Variants in MICU3 observed in about 807,000 individuals in gnomAD.
The protein encoded by MICU3 is calcium uptake protein 3, mitochondrial.
MICU3 carries 62 observed loss-of-function variants against 66.5 expected under a neutral mutation model. That is an observed-to-expected ratio of 0.93 (90% CI 0.76 to 1.15). MICU3 has a LOEUF of 1.15. MICU3 is among the 50% of genes most tolerant of loss of function. The pLI is 0.00. For missense variants in MICU3, 779 were observed against 664.4 expected, an observed-to-expected ratio of 1.17 and a Z score of -1.90; for synonymous variants, 308 against 240.7, an observed-to-expected ratio of 1.28 and a Z score of -2.59.
At position 17,087,085 on chromosome 8, in the gene MICU3, T is replaced by C. The variant is rs377656354; in HGVS notation, c.849+50T>C. On this transcript the variant is annotated intron_variant, in intron 7 of 14. Transcript: ENST00000318063. ...AGGTGGCTTTTGTAGGCAACAATTA[T>C]TTTATTCATGTTAAGAAACAATAAT... The C allele has an allele frequency of 8.0e-5, 92 of 1,150,002 alleles. No homozygotes were observed. In the African/African-American group the frequency reaches 1.3e-3, roughly 16 times the overall value. The allele number at this position is 1,150,002 out of a possible 1,614,324, so 71.2% of individuals were successfully genotyped here. A position where few individuals can be genotyped will look rare whatever the true frequency, so the allele number is the denominator to read the frequency against.
chr8:17,094,882 T>G (rs1800504092), intron 8 of MICU3, among the ~76,000 whole-genome samples: 1 of 152,032 alleles, frequency 6.6e-6, no homozygotes. Context: ...CATTCTTCTA[T>G]GCCTCTTAAT....
At chr8:17,135,522 A>G in the MICU3 span, among the ~76,000 whole-genome samples, 10 of 152,172 alleles carry the variant, frequency 6.6e-5, no homozygotes, top group African/African-American at 1.7e-4. Context: ...AAGTTTTTCA[A>G]TTGATTCTCT....
At position 17,028,283 on chromosome 8, in the gene MICU3, G is replaced by A. The variant is rs143475376; in HGVS notation, c.381+623G>A. Among the ~76,000 whole-genome samples, 402 of 152,294 alleles carry A rather than the reference G, an allele frequency of 2.6e-3. 1 individual carries two copies. The highest frequency in any genetic ancestry group is 9.1e-3 in the African/African-American group (379 of 41,566). ...CCCCACTAAAGCCAGAATCCCGTTA[G>A]TAGGTAACGATAAAACACAAAATGG... On this transcript the variant is annotated intron_variant, in intron 1 of 14. Coordinates refer to ENST00000318063, the MANE Select transcript of MICU3 (RefSeq NM_181723.3).
rs1803129394 is a variant in MICU3 at position 17,120,605 on chromosome 8, A to ATT, written c.*324_*325dup. Reference sequence around the variant, plus strand: ...TACATATGAATGTACTTTCAATATTATTTTTTTATTTATTCATTAGAAATT... The same window carrying ATT: ...TACATATGAATGTACTTTCAATATTATTTTTTTTTATTTATTCATTAGAAATT... On this transcript the variant is annotated 3_prime_UTR_variant, in exon 15 of 15. Transcript: ENST00000318063. The ATT allele has an allele frequency of 6.6e-6, 1 of 152,388 alleles. No individual in the cohort carries two copies. Among genetic ancestry groups the ATT allele is most frequent in the African/African-American group, 2.4e-5 (1 of 41,416 alleles). The allele number at this position is 152,388 out of a possible 1,614,324, so 9.4% of individuals were successfully genotyped here.
At chr8:17,097,798 A>C (rs1468790936) in intron 8 of MICU3, among the ~76,000 whole-genome samples, 2 of 151,034 alleles carry the variant, frequency 1.3e-5, no homozygotes, top group Non-Finnish European at 3.0e-5. Flanking sequence ...TACACTTTTT[A>C]ATCTACACTT....
At position 17,043,536 on chromosome 8, in the gene MICU3, G is replaced by A. The variant is rs76540445; in HGVS notation, c.381+15876G>A. 1.5e-3 allele frequency among the ~76,000 whole-genome samples: 228 copies of A among 152,274 alleles called. 4 individuals carry two copies. The East Asian group carries it at 0.039, about 26-fold the overall frequency. On this transcript the variant is annotated intron_variant, in intron 1 of 14. Transcript: ENST00000318063. ...GGCAGGTTTTGGACTAGGGCTTGTGGTGAATGGAGATCAGTGTGACTTAAA... is the reference window on the plus strand; with the variant it reads ...GGCAGGTTTTGGACTAGGGCTTGTGATGAATGGAGATCAGTGTGACTTAAA...
intron 3 of MICU3, among the ~76,000 whole-genome samples, chr8:17,072,110 C>A (rs1389689057): frequency 1.3e-5 from 2 of 151,878 alleles, no homozygotes; most frequent in African/African-American, 2.4e-5. Flanking sequence ...GAAAAAAAAC[C>A]ATTGAGATGA....
At chr8:17,130,239 T>C in the MICU3 span, among the ~76,000 whole-genome samples, 1 of 152,154 alleles carries the variant, frequency 6.6e-6, no homozygotes, top group African/African-American at 2.4e-5. Context: ...AAAAAGGCAA[T>C]TGAGACTAGG....
downstream of MICU3, among the ~76,000 whole-genome samples, chr8:17,123,726 G>A (rs1803327634): frequency 6.6e-6 from 1 of 151,874 alleles, no homozygotes; most frequent in South Asian, 2.1e-4. Flanking sequence ...TTTATTCAAT[G>A]AAATACTATA....
chr8:17,037,932 T>G (rs1813327818), intron 1 of MICU3, among the ~76,000 whole-genome samples: 1 of 152,216 alleles, frequency 6.6e-6, no homozygotes, highest in Non-Finnish European at 1.5e-5. Flanking sequence ...GGCATGGGAC[T>G]GTAGCCCCTT....
chr8:17,110,092 T>A (rs1344373427), intron 11 of MICU3, among the ~76,000 whole-genome samples: 1 of 152,186 alleles, frequency 6.6e-6, no homozygotes, highest in Non-Finnish European at 1.5e-5. Flanking sequence ...GGGATCAGCA[T>A]GAATTTTGTG....
intron 5 of MICU3, among the ~76,000 whole-genome samples, chr8:17,082,403 C>T (rs1362075335): frequency 2.0e-5 from 3 of 152,076 alleles, no homozygotes; most frequent in Non-Finnish European, 4.4e-5. Context: ...GAAAATTTAG[C>T]AAATCCTTAC....
At chr8:17,048,626 A>T (rs1484599513) in intron 1 of MICU3, among the ~76,000 whole-genome samples, 3 of 152,076 alleles carry the variant, frequency 2.0e-5, no homozygotes, top group Non-Finnish European at 4.4e-5. Flanking sequence ...ATTTCATTTT[A>T]TTTTATTGAG....
chr8:17,115,952 G>A (rs368620205), intron 12 of MICU3, among the ~76,000 whole-genome samples: 27 of 152,086 alleles, frequency 1.8e-4, no homozygotes, highest in African/African-American at 6.3e-4. Flanking sequence ...TTGTCCTTTT[G>A]TGTTCAGCTC....
downstream of MICU3, among the ~76,000 whole-genome samples, chr8:17,124,038 C>G (rs560703335): frequency 6.7e-6 from 1 of 149,440 alleles, no homozygotes; most frequent in Admixed American, 6.7e-5. Flanking sequence ...TGGTATCTAC[C>G]TTCATATTTC....
At chr8:17,030,310 C>G (rs1465906477) in intron 1 of MICU3, among the ~76,000 whole-genome samples, 1 of 152,208 alleles carries the variant, frequency 6.6e-6, no homozygotes, top group African/African-American at 2.4e-5. Flanking sequence ...TTACCTGTCT[C>G]TTACTTGAGA....
At chr8:17,105,812 T>C (rs1801690871) in intron 11 of MICU3, among the ~76,000 whole-genome samples, 1 of 152,072 alleles carries the variant, frequency 6.6e-6, no homozygotes, top group African/African-American at 2.4e-5. Flanking sequence ...TCCTTTAGGC[T>C]ACTACCAATT....
intron 1 of MICU3, chr8:17,049,576 A>G: frequency 1.9e-6 from 1 of 518,100 alleles, no homozygotes; most frequent in Non-Finnish European, 3.9e-6. Context: ...ATTTTTCCCA[A>G]GGTAACCTAA....
intron 8 of MICU3, among the ~76,000 whole-genome samples, chr8:17,091,958 A>G (rs914195828): frequency 5.3e-5 from 8 of 151,880 alleles, no homozygotes; most frequent in African/African-American, 1.7e-4. Flanking sequence ...GCTCACTGCA[A>G]CCTCCAACTC....
Sources: allele counts gnomAD v4.1 joint callset (sites outside exome capture counted in the v4.1 genomes callset), GRCh38; gene constraint gnomAD v4.1.1; transcripts MANE v1.5; gene names NCBI Gene and HGNC (gene_info 2026-07-23, HGNC 2026-07-21).